The following VGLL3 variants were observed in gnomAD, a reference collection of about 807,000 sequenced individuals.
VGLL3 encodes the protein transcription cofactor vestigial-like protein 3.
A neutral mutation model predicts 29.2 loss-of-function variants in VGLL3; 18 were observed. The ratio of observed to expected loss-of-function variants is 0.62; its 90% CI spans 0.43 to 0.91. VGLL3 has a LOEUF of 0.91. VGLL3 is among the 40% of genes least tolerant of loss of function. The pLI, the probability that VGLL3 is intolerant of heterozygous loss-of-function variation, is 0.00. For synonymous variants in VGLL3, 180 were observed against 151.8 expected (o/e 1.19, Z -1.36); for missense variants, 440 against 413.2 (o/e 1.06, Z -0.56).
At chr3:86,958,439 T>C (rs1704770533) in intron 3 of VGLL3, among the ~76,000 whole-genome samples, 1 of 152,254 alleles carries the variant, frequency 6.6e-6, no homozygotes, top group African/African-American at 2.4e-5. Flanking sequence ...TGTATTATTA[T>C]GCAAGCACAT....
At chr3:86,975,576 T>C (rs1262306261) in intron 2 of VGLL3, among the ~76,000 whole-genome samples, 2 of 152,204 alleles carry the variant, frequency 1.3e-5, no homozygotes, top group Non-Finnish European at 2.9e-5. Flanking sequence ...TATTAAAGAC[T>C]CTTGTTTTCT....
chr3:86,990,873 G>T lies in VGLL3; in HGVS notation c.-130C>A. On this transcript the variant is annotated 5_prime_UTR_variant, in exon 1 of 4. Transcript: ENST00000398399. ...TCCAGCTGCTACTGCGGCGAAGGCG[G>T]GTCCTCGGCGGCCTCGGGCTCCGCG... is the stretch of plus-strand genomic sequence containing the variant. The T allele has an allele frequency of 8.7e-7, 1 of 1,146,524 alleles. No homozygotes were observed. The allele number at this position is 1,146,524 out of a possible 1,614,324, so 71.0% of individuals were successfully genotyped here.
At chr3:86,967,959 G>A (rs1704998786) in intron 3 of VGLL3, among the ~76,000 whole-genome samples, 1 of 151,932 alleles carries the variant, frequency 6.6e-6, no homozygotes, top group African/African-American at 2.4e-5. Flanking sequence ...TTTAAGTCTT[G>A]TATTATTTAA....
At chr3:86,974,179 A>G (rs1486476209) in intron 2 of VGLL3, among the ~76,000 whole-genome samples, 2 of 151,256 alleles carry the variant, frequency 1.3e-5, no homozygotes, top group African/African-American at 2.4e-5. Flanking sequence ...GTACAATGGC[A>G]TAATCTCGAC....
chr3:86,966,775 A>ATATG (rs1704971237), intron 3 of VGLL3, among the ~76,000 whole-genome samples: 1 of 9,430 alleles, frequency 1.1e-4, no homozygotes, highest in African/African-American at 4.6e-4. Flanking sequence ...GTGTGTGTGT[A>ATATG]TATATATATA....
rs1024958711 is a variant in VGLL3, at chr3:86,961,943, A to G, written c.937+6647T>C. The G allele has an allele frequency of 1.6e-5, 16 of 981,082 alleles. No individual in the cohort carries two copies. The African/African-American group carries it at 2.8e-4, about 17-fold the overall frequency. The allele number at this position is 981,082 out of a possible 1,614,324, so 60.8% of individuals were successfully genotyped here. ...GCTTTTTTACTGAAGAATATATAAA[A>G]CATTTTATATGCTATAGGGAACTGT... is the stretch of plus-strand genomic sequence containing the variant. On this transcript the variant is annotated intron_variant, in intron 3 of 3. Coordinates refer to ENST00000398399, the MANE Select transcript of VGLL3 (RefSeq NM_016206.4).
At position 86,941,377 on chromosome 3, in the gene VGLL3, C is replaced by A. The variant is rs1704394131; in HGVS notation, c.*5647G>T. On this transcript the variant is annotated 3_prime_UTR_variant, in exon 4 of 4. Coordinates refer to ENST00000398399, the MANE Select transcript of VGLL3 (RefSeq NM_016206.4). ...GAAAGTTCACATCTTATGCATATAC[C>A]AAAAAAACTAATTAAAGTATGTTGC... 1 of 150,986 alleles carries A rather than the reference C, an allele frequency of 6.6e-6. No homozygotes were observed. The highest frequency in any genetic ancestry group is 2.4e-5 in the African/African-American group (1 of 41,072). 9.4% of individuals were successfully genotyped at this position (150,986 alleles called of 1,614,324 possible).
chr3:86,968,460 G>A (rs1705009876), intron 3 of VGLL3, 130 bp downstream of exon 3: 1 of 1,043,662 alleles, frequency 9.6e-7, no homozygotes. Flanking sequence ...ATTGCAAAAT[G>A]GCTAGGTTCC....
At chr3:86,988,726 G>GAAAATTTCCA (rs1705513706) in intron 1 of VGLL3, among the ~76,000 whole-genome samples, 2 of 22,806 alleles carry the variant, frequency 8.8e-5, no homozygotes, top group Non-Finnish European at 2.3e-4. Context: ...AAAGCAACAT[G>GAAAATTTCCA]AAAATTTCCA....
chr3:86,990,092 A>G (rs375967253), intron 1 of VGLL3, among the ~76,000 whole-genome samples: 1 of 152,140 alleles, frequency 6.6e-6, no homozygotes, highest in Non-Finnish European at 1.5e-5. Flanking sequence ...CGGGAGAAAG[A>G]TTCTGTGGAG....
chr3:86,959,972 A>G (rs1704803996), intron 3 of VGLL3, among the ~76,000 whole-genome samples: 1 of 152,104 alleles, frequency 6.6e-6, no homozygotes, highest in Non-Finnish European at 1.5e-5. Context: ...CATGGAGAGA[A>G]ACTGCCTCTC....
intron 1 of VGLL3, among the ~76,000 whole-genome samples, chr3:86,984,477 C>T (rs1705393506): frequency 6.6e-6 from 1 of 152,116 alleles, no homozygotes; most frequent in Non-Finnish European, 1.5e-5. Flanking sequence ...AAAAAATGTG[C>T]CACAGGCTTA....
chr3:86,939,698 A>G lies in VGLL3; in HGVS notation c.*7326T>C, dbSNP rs1223833716. On this transcript the variant is annotated 3_prime_UTR_variant, in exon 4 of 4. Transcript: ENST00000398399. ...TGAGATGAAGAGATTATTCTGGATT[A>G]CACAGATGCAGCTATTGTAATCACA... 1 of 152,394 alleles carries G rather than the reference A, an allele frequency of 6.6e-6. No homozygotes were observed. The highest frequency in any genetic ancestry group is 1.5e-5 in the Non-Finnish European group (1 of 68,170). 9.4% of individuals were successfully genotyped at this position (152,394 alleles called of 1,614,324 possible).
rs1188146692 is a variant in VGLL3, at chr3:86,978,751, G to A, written c.178C>T (p.Pro60Ser). Residue 60 changes from proline (P) to serine (S), a missense_variant, in exon 2 of 4, where the codon CCC (proline) becomes TCC (serine). Coordinates refer to ENST00000398399, the MANE Select transcript of VGLL3 (RefSeq NM_016206.4). ...TCATCCTCCTCCTCTTGTTTGCTGG[G>A]AAGGGTGACTTCCAGAGAGTCCTGC... ...KMQDSLEVTL[P>S]SKQEEEDEEE... 6.2e-7 allele frequency: 1 copy of A among 1,613,840 alleles called. No individual in the cohort carries two copies. Among genetic ancestry groups the A allele is most frequent in the Non-Finnish European group, 8.5e-7 (1 of 1,179,894 alleles).
chr3:86,979,635 A>G (rs1387415054), intron 1 of VGLL3, among the ~76,000 whole-genome samples: 1 of 152,186 alleles, frequency 6.6e-6, no homozygotes, highest in Admixed American at 6.5e-5. Context: ...CAATTCTATA[A>G]CATGGCTATT....
chr3:86,946,917 C>A lies in VGLL3; in HGVS notation c.*107G>T. On this transcript the variant is annotated 3_prime_UTR_variant, in exon 4 of 4. Transcript: ENST00000398399. ...CAACTGCGTGACACTTTGTCTTCTCCTTCTATGCCTTTCGTGTCCTATTGC... is the reference window on the plus strand; with the variant it reads ...CAACTGCGTGACACTTTGTCTTCTCATTCTATGCCTTTCGTGTCCTATTGC... The A allele has an allele frequency of 1.4e-6, 1 of 729,462 alleles. No individual in the cohort carries two copies. The highest frequency in any genetic ancestry group is 1.5e-5 in the South Asian group (1 of 65,104). 45.2% of individuals were successfully genotyped at this position (729,462 alleles called of 1,614,324 possible).
chr3:86,955,982 C>A (rs1379105242), intron 3 of VGLL3, among the ~76,000 whole-genome samples: 1 of 152,120 alleles, frequency 6.6e-6, no homozygotes, highest in East Asian at 1.9e-4. Context: ...GAACATGTTG[C>A]CTGCAGACAA....
chr3:86,990,588 C>T, intron 1 of VGLL3, 30 bp downstream of exon 1: 2 of 1,321,292 alleles, frequency 1.5e-6, no homozygotes, highest in Non-Finnish European at 1.9e-6. Flanking sequence ...TCGCCCCCGC[C>T]CCCAGCAGGC....
rs1704441868 is a variant in VGLL3 at position 86,943,528 on chromosome 3, A to AAAG, written c.*3493_*3495dup. ...TTGGGTTTTTTTTTTAAAGTCTTAT[A>AAAG]AAGTTAAAGAAATAAATCCCTCAAT... On this transcript the variant is annotated 3_prime_UTR_variant, in exon 4 of 4. Coordinates refer to ENST00000398399, the MANE Select transcript of VGLL3 (RefSeq NM_016206.4). The AAAG allele has an allele frequency of 6.6e-6, 1 of 152,112 alleles. No homozygotes were observed. Among genetic ancestry groups the AAAG allele is most frequent in the African/African-American group, 2.4e-5 (1 of 41,426 alleles). 9.4% of individuals were successfully genotyped at this position (152,112 alleles called of 1,614,324 possible). A position where few individuals can be genotyped will look rare whatever the true frequency, so the allele number is the denominator to read the frequency against.
Sources: allele counts gnomAD v4.1 joint callset (sites outside exome capture counted in the v4.1 genomes callset), GRCh38; gene constraint gnomAD v4.1.1; transcripts MANE v1.5; gene names NCBI Gene and HGNC (gene_info 2026-07-23, HGNC 2026-07-21).